RTL1: variants seen among roughly 807,000 people sequenced by gnomAD.
The protein encoded by RTL1 is retrotransposon-like protein 1.
For synonymous variants in RTL1, 727 were observed against 748.4 expected (o/e 0.97, Z 0.47); for missense variants, 1,681 against 1,767.5 (o/e 0.95, Z 0.88).
At position 100,883,667 on chromosome 14, in the gene RTL1, G is replaced by A; in HGVS notation, c.1122C>T (p.Ala374=). The A allele has an allele frequency of 6.4e-7, 1 of 1,551,552 alleles. No homozygotes were observed. Among genetic ancestry groups the A allele is most frequent in the Middle Eastern group, 1.7e-4 (1 of 5,990 alleles). The change falls in exon 4 of 4, where the codon GCC becomes GCT. Residue 374 remains alanine (A), a synonymous_variant. Transcript: ENST00000649591. This position sits in a 1 kb window ranked among gnomAD's most constrained non-coding sequence, Gnocchi z 5.9. Reference sequence around the variant, plus strand: ...CGATCCAGGTCAGGTTCCGGGGGCGGGCCTCGGGGGGCAGCCTGAGCATAG... The same window carrying A: ...CGATCCAGGTCAGGTTCCGGGGGCGAGCCTCGGGGGGCAGCCTGAGCATAG... ...RRAMLRLPPE[A]RPRNLTWIDS...
At position 100,880,446 on chromosome 14, in the gene RTL1, G is replaced by A. The variant is rs1200034872; in HGVS notation, c.*266C>T. Among the ~76,000 whole-genome samples the A allele has an allele frequency of 6.6e-6, 1 of 152,090 alleles. No individual in the cohort carries two copies. ...TTTCTCCCTCATGGATGTCACTCCCGGGCATGGGCTTGGGACCTGGAGAAC... is the reference window on the plus strand; with the variant it reads ...TTTCTCCCTCATGGATGTCACTCCCAGGCATGGGCTTGGGACCTGGAGAAC... On this transcript the variant is annotated 3_prime_UTR_variant, in exon 4 of 4. Coordinates refer to ENST00000649591, the MANE Select transcript of RTL1 (RefSeq NM_001134888.3).
chr14:100,894,834 C>T (rs1165183861), intron 2 of RTL1: 1 of 152,238 alleles, frequency 6.6e-6, no homozygotes, highest in Non-Finnish European at 1.5e-5. Flanking sequence ...TTTGTAGATT[C>T]TTTAGAATAG....
chr14:100,894,603 G>T (rs1364724254), intron 2 of RTL1: 1 of 152,350 alleles, frequency 6.6e-6, no homozygotes, highest in African/African-American at 2.4e-5. Flanking sequence ...CAGTAGGGCT[G>T]CTGGCAGCAG....
rs1301081174 is a variant in RTL1, at chr14:100,884,192, T to C, written c.597A>G (p.Gln199=). ...CAGAGAAGTGCTTTGGGGCGGGCAG[T>C]TGGCCTGCATTGATCCCTTTGATCA... ...EILIKGINAG[Q]LPAPKHFSGD... The change falls in exon 4 of 4, where the codon CAA becomes CAG. Residue 199 remains glutamine (Q), a synonymous_variant. Transcript: ENST00000649591. 1.9e-6 allele frequency: 3 copies of C among 1,551,730 alleles called. No individual in the cohort carries two copies. The Admixed American group carries it at 5.9e-5, about 30-fold the overall frequency.
chr14:100,882,129 T>C lies in RTL1; in HGVS notation c.2660A>G (p.His887Arg), dbSNP rs941235417. 1 of 1,554,494 alleles carries C rather than the reference T, an allele frequency of 6.4e-7. No individual in the cohort carries two copies. Among genetic ancestry groups the C allele is most frequent in the Non-Finnish European group, 8.7e-7 (1 of 1,148,800 alleles). ...GTCGTCGATTTGGATCAGGGAGGCGTGCAGGGCCGTGCCGGTGACGCCGGT... is the reference window on the plus strand; with the variant it reads ...GTCGTCGATTTGGATCAGGGAGGCGCGCAGGGCCGTGCCGGTGACGCCGGT... ...LETGVTGTAL[H>R]ASLIQIDDQT... is the part of the protein sequence containing the mutation. Residue 887 changes from histidine to arginine, a missense_variant, in exon 4 of 4, where the codon CAC (histidine) becomes CGC (arginine). Physicochemically the swap from His to Arg is conservative, Grantham distance 29. Coordinates refer to ENST00000649591, the MANE Select transcript of RTL1 (RefSeq NM_001134888.3).
intron 2 of RTL1, among the ~76,000 whole-genome samples, chr14:100,902,732 C>T (rs958283675): frequency 1.5e-4 from 23 of 152,244 alleles, no homozygotes; most frequent in African/African-American, 5.1e-4. Flanking sequence ...TTTTCAGACT[C>T]GGCTTTTCCC....
rs893005874 is a variant in RTL1, at chr14:100,903,355, C to T, written c.-213G>A. Among the ~76,000 whole-genome samples, 4 of 152,018 alleles carry T rather than the reference C, an allele frequency of 2.6e-5. No homozygotes were observed. Among genetic ancestry groups the T allele is most frequent in the African/African-American group, 7.3e-5 (3 of 41,378 alleles). ...AGTGATGCCGGTGGCTTAGTGATGC[C>T]GGTGGCTTCCTGTCCTCGAAGCTCA... is the stretch of plus-strand genomic sequence containing the variant. On this transcript the variant is annotated 5_prime_UTR_variant, in exon 2 of 4. Coordinates refer to ENST00000649591, the MANE Select transcript of RTL1 (RefSeq NM_001134888.3).
rs1348510658 is a variant in RTL1, at chr14:100,884,058, T to C, written c.731A>G (p.His244Arg). ...CCATTCTAATGCCAAGCCGGACAGGTGATTGATGACATAGCCAACTCTCAG... is the reference window on the plus strand; with the variant it reads ...CCATTCTAATGCCAAGCCGGACAGGCGATTGATGACATAGCCAACTCTCAG... ...DRLRVGYVIN[H>R]LSGLALEWAK... is the part of the protein sequence containing the mutation. The change falls in exon 4 of 4, where the codon CAC becomes CGC. Residue 244 changes from histidine to arginine, a missense_variant. Transcript: ENST00000649591. 1.3e-6 allele frequency: 2 copies of C among 1,551,494 alleles called. No homozygotes were observed. The highest frequency in any genetic ancestry group is 1.7e-6 in the Non-Finnish European group (2 of 1,146,974).
rs147627906 is a variant in RTL1 at position 100,885,031 on chromosome 14, G to A, written c.-86-157C>T. 6.9e-3 allele frequency among the ~76,000 whole-genome samples: 1,046 copies of A among 152,344 alleles called. 6 individuals carry two copies. Among genetic ancestry groups the A allele is most frequent in the Middle Eastern group, 0.037 (11 of 294 alleles). On this transcript the variant is annotated intron_variant, in intron 3 of 3. Coordinates refer to ENST00000649591, the MANE Select transcript of RTL1 (RefSeq NM_001134888.3). ...TGTATCGAGCCAGCCTCTTTGGCTG[G>A]TCACTTGGGGTGCCCCCAGGGAGGG... is the stretch of plus-strand genomic sequence containing the variant.
intron 2 of RTL1, among the ~76,000 whole-genome samples, chr14:100,899,924 G>T (rs762059105): frequency 6.6e-6 from 1 of 152,134 alleles, no homozygotes; most frequent in Non-Finnish European, 1.5e-5. Flanking sequence ...CCCAACAGAG[G>T]ACAACACAAA....
rs758587484 is a variant in RTL1 at position 100,881,879 on chromosome 14, C to T, written c.2910G>A (p.Trp970Ter). 6.2e-7 allele frequency: 1 copy of T among 1,613,604 alleles called. No homozygotes were observed. Among genetic ancestry groups the T allele is most frequent in the Non-Finnish European group, 8.5e-7 (1 of 1,180,006 alleles). The change falls in exon 4 of 4, where the codon TGG becomes TGA. Residue 970 changes from tryptophan to a stop codon, truncating the protein, a stop_gained. Coordinates refer to ENST00000649591, the MANE Select transcript of RTL1 (RefSeq NM_001134888.3). LOFTEE classifies it low-confidence loss of function (END_TRUNC). This position sits in a 1 kb window ranked among gnomAD's most constrained non-coding sequence, Gnocchi z 6.6. ...DRLTVLLPGH[W>*]VFFFSHFNFD... ...AGTTGAAGTGGGAGAAGAAGAAGACCCAATGCCCGGGGAGAAGTACGGTGA... is the reference window on the plus strand; with the variant it reads ...AGTTGAAGTGGGAGAAGAAGAAGACTCAATGCCCGGGGAGAAGTACGGTGA...
Position 100,880,713 on chromosome 14 carries a change from CAGT to C in RTL1, c.4073_4075del (p.Asp1358_Ter1359delinsGly). The C allele has an allele frequency of 6.4e-7, 1 of 1,550,830 alleles. No individual in the cohort carries two copies. The highest frequency in any genetic ancestry group is 8.7e-7 in the Non-Finnish European group (1 of 1,146,952). ...TTTGCTGGAGACAGGGAGGCGTCTT[CAGT>C]CGAGGTTAGCATCTTCGTCCTCATC... On this transcript the variant is annotated stop_lost and inframe_deletion, in exon 4 of 4. Transcript: ENST00000649591.
rs1011653370 is a variant in RTL1, at chr14:100,893,228, G to T, written c.-87+216C>A. 6.6e-6 allele frequency among the ~76,000 whole-genome samples: 1 copy of T among 152,204 alleles called. No homozygotes were observed. The highest frequency in any genetic ancestry group is 1.5e-5 in the Non-Finnish European group (1 of 68,056). On this transcript the variant is annotated intron_variant, in intron 3 of 3. Coordinates refer to ENST00000649591, the MANE Select transcript of RTL1 (RefSeq NM_001134888.3). The surrounding 1 kb of genome is among the most constrained non-coding windows in gnomAD (Gnocchi z 4.2). Reference sequence around the variant, plus strand: ...CTTATTTGGTGTTCGAGGAGGGACAGGACAGCTGGCCCAGGACCTGCTAAT... The same window carrying T: ...CTTATTTGGTGTTCGAGGAGGGACATGACAGCTGGCCCAGGACCTGCTAAT...
Position 100,883,481 on chromosome 14 carries a change from G to A in RTL1, c.1308C>T (p.Asn436=), listed in dbSNP as rs2038650481. The A allele has an allele frequency of 1.3e-6, 2 of 1,551,268 alleles. No homozygotes were observed. Among genetic ancestry groups the A allele is most frequent in the African/African-American group, 2.7e-5 (2 of 73,036 alleles). Residue 436 remains asparagine (N), a synonymous_variant, in exon 4 of 4, where the codon AAC becomes AAT. Coordinates refer to ENST00000649591, the MANE Select transcript of RTL1 (RefSeq NM_001134888.3). This position sits in a 1 kb window ranked among gnomAD's most constrained non-coding sequence, Gnocchi z 5.9. The part of the protein sequence containing the change: ...QALVDSGADG[N]FMDEKFAQEH... ...CTTGGGCGAACTTCTCATCCATGAA[G>A]TTGCCGTCAGCTCCCGAATCCACCA...
chr14:100,896,932 C>T (rs1031125665), intron 2 of RTL1, among the ~76,000 whole-genome samples: 36 of 152,270 alleles, frequency 2.4e-4, no homozygotes, highest in African/African-American at 7.9e-4. Flanking sequence ...GGTCTCATTC[C>T]ACTCGGCTAA....
chr14:100,889,675 G>C (rs1292369673), intron 3 of RTL1: 1 of 152,278 alleles, frequency 6.6e-6, no homozygotes, highest in East Asian at 1.9e-4. Flanking sequence ...CCAATGGAAG[G>C]AAATGGAGGC....
intron 2 of RTL1, among the ~76,000 whole-genome samples, chr14:100,896,230 C>G (rs76029725): frequency 0.025 from 3,856 of 152,276 alleles, 162 homozygotes; most frequent in African/African-American, 0.087. Context: ...CCGAGGGCTG[C>G]TTAACCTGTC....
intron 3 of RTL1, among the ~76,000 whole-genome samples, chr14:100,892,875 G>C (rs1420213180): frequency 6.6e-6 from 1 of 152,170 alleles, no homozygotes; most frequent in Non-Finnish European, 1.5e-5. Context: ...AACTGACTTT[G>C]CTCCTAACGA....
Position 100,881,514 on chromosome 14 carries a change from A to T in RTL1, c.3275T>A (p.Leu1092Gln). 6.4e-7 allele frequency: 1 copy of T among 1,551,660 alleles called. No individual in the cohort carries two copies. Among genetic ancestry groups the T allele is most frequent in the Non-Finnish European group, 8.7e-7 (1 of 1,146,992 alleles). ...GLLYWKNTLALAAILVLLRVR... is the reference protein window; with the variant it reads ...GLLYWKNTLAQAAILVLLRVR... Reference sequence around the variant, plus strand: ...GCGCAGTAGCACGAGGATGGCTGCCAGGGCTAGGGTGTTCTTCCAGTACAG... The same window carrying T: ...GCGCAGTAGCACGAGGATGGCTGCCTGGGCTAGGGTGTTCTTCCAGTACAG... Residue 1092 changes from leucine to glutamine, a missense_variant, in exon 4 of 4, where the codon CTG becomes CAG. Physicochemically the swap from Leu to Gln is moderately radical, Grantham distance 113 (BLOSUM62 -2). Coordinates refer to ENST00000649591, the MANE Select transcript of RTL1 (RefSeq NM_001134888.3). This position sits in a 1 kb window ranked among gnomAD's most constrained non-coding sequence, Gnocchi z 6.6.
Sources: gnomAD v4.1 joint callset for allele counts (sites outside exome capture counted in the v4.1 genomes callset) on GRCh38, gnomAD v4.1.1 for gene constraint, Gnocchi (gnomAD v3.1) non-coding constraint, MANE v1.5 for transcripts, NCBI Gene and HGNC (gene_info 2026-07-23, HGNC 2026-07-21) for gene names.